BBIP1: variants seen among roughly 807,000 people sequenced by gnomAD.
BBIP1 encodes BBSome-interacting protein 1.
In BBIP1, 6 loss-of-function variants were observed where a neutral mutation model predicts 8.9. The observed-to-expected ratio is 0.67, with a 90% CI of 0.37 to 1.33. The LOEUF is 1.33. BBIP1 is among the 40% of genes most tolerant of loss of function. BBIP1 has a pLI of 0.02. For synonymous variants in BBIP1, 32 were observed against 33.4 expected, an observed-to-expected ratio of 0.96 and a Z score of 0.14; for missense variants, 111 against 109.2, an observed-to-expected ratio of 1.02 and a Z score of -0.07.
At chr10:110,912,153 C>CTTTTTT (rs1333724750) in intron 2 of BBIP1, 8 of 138,960 alleles carry the variant, frequency 5.8e-5, no homozygotes, top group African/African-American at 1.9e-4. Context: ...CTTTTCTTTT[C>CTTTTTT]TTTTCTTTTT....
In BBIP1 at chr10:110,900,229, T is replaced by C; in HGVS notation, c.*131A>G. 1.1e-6 allele frequency: 1 copy of C among 886,334 alleles called. No individual in the cohort carries two copies. The highest frequency in any genetic ancestry group is 1.6e-6 in the Non-Finnish European group (1 of 621,212). 54.9% of individuals were successfully genotyped at this position (886,334 alleles called of 1,614,324 possible). ...ATACAAATTTCATCAATCTTGGATA[T>C]TTTTGTATTTCTATGAATACTATCA... On this transcript the variant is annotated 3_prime_UTR_variant, in exon 4 of 4. Coordinates refer to ENST00000448814, the MANE Select transcript of BBIP1 (RefSeq NM_001195305.3).
chr10:110,917,194 A>ATTTTTTTT (rs67066048), intron 2 of BBIP1, among the ~76,000 whole-genome samples: 1 of 107,970 alleles, frequency 9.3e-6, no homozygotes, highest in Non-Finnish European at 1.8e-5. Context: ...CTGGATCCTG[A>ATTTTTTTT]TTTTTTTTTT....
intron 2 of BBIP1, chr10:110,911,084 G>A (rs1010215948): frequency 3.3e-5 from 5 of 152,162 alleles, no homozygotes; most frequent in Non-Finnish European, 7.3e-5. Context: ...GATGGCTGGT[G>A]CATTAAAGAT....
chr10:110,909,162 T>C (rs1222900521), intron 2 of BBIP1, among the ~76,000 whole-genome samples: 2 of 152,096 alleles, frequency 1.3e-5, no homozygotes, highest in African/African-American at 4.8e-5. Context: ...CTTCAAACTG[T>C]AAAGACTAAG....
chr10:110,903,902 CACA>C (rs1235538200), intron 2 of BBIP1: 1 of 152,168 alleles, frequency 6.6e-6, no homozygotes, highest in African/African-American at 2.4e-5. Flanking sequence ...AGTGTTCTGC[CACA>C]ATATCATGAG....
intron 2 of BBIP1, among the ~76,000 whole-genome samples, chr10:110,909,749 A>C (rs1335810989): frequency 6.6e-6 from 1 of 152,230 alleles, no homozygotes; most frequent in East Asian, 1.9e-4. Context: ...TAAGCACTGG[A>C]CAGTAAAGAC....
intron 2 of BBIP1, among the ~76,000 whole-genome samples, chr10:110,913,143 T>C (rs560914057): frequency 6.6e-6 from 1 of 152,350 alleles, no homozygotes; most frequent in African/African-American, 2.4e-5. Flanking sequence ...ATGGGGTACA[T>C]GGTTGTACTC....
chr10:110,900,716 G>A (rs1564689474), intron 3 of BBIP1, 190 bp from the exon 4 acceptor site: 2 of 517,080 alleles, frequency 3.9e-6, no homozygotes, highest in South Asian at 6.1e-5. Context: ...TACTAGTAGG[G>A]TGCTTCTGAG....
intron 2 of BBIP1, among the ~76,000 whole-genome samples, chr10:110,905,772 A>T (rs559684033): frequency 1.3e-5 from 2 of 152,300 alleles, no homozygotes; most frequent in East Asian, 3.9e-4. Flanking sequence ...TAAATTTCTT[A>T]TCATAAATTT....
chr10:110,899,073 G>C lies in BBIP1; in HGVS notation c.*1287C>G, dbSNP rs1244565042. 6.6e-6 allele frequency: 1 copy of C among 152,158 alleles called. No individual in the cohort carries two copies. The highest frequency in any genetic ancestry group is 1.5e-5 in the Non-Finnish European group (1 of 67,986). The allele number at this position is 152,158 out of a possible 1,614,324, so 9.4% of individuals were successfully genotyped here. A position where few individuals can be genotyped will look rare whatever the true frequency, so the allele number is the denominator to read the frequency against. ...ATGTTACAAAAAGTTATACTCCAGA[G>C]ACCCAAAGCTTGACATTTACCTAAT... On this transcript the variant is annotated 3_prime_UTR_variant, in exon 4 of 4. Coordinates refer to ENST00000448814, the MANE Select transcript of BBIP1 (RefSeq NM_001195305.3).
intron 2 of BBIP1, among the ~76,000 whole-genome samples, chr10:110,917,559 A>G (rs1309539238): frequency 6.6e-6 from 1 of 152,180 alleles, no homozygotes; most frequent in East Asian, 1.9e-4. Context: ...ACACTGGGGA[A>G]AAAAATCATG....
chr10:110,900,234 G>A lies in BBIP1; in HGVS notation c.*126C>T. The A allele has an allele frequency of 1.1e-6, 1 of 909,104 alleles. No homozygotes were observed. The highest frequency in any genetic ancestry group is 1.6e-6 in the Non-Finnish European group (1 of 642,808). 56.3% of individuals were successfully genotyped at this position (909,104 alleles called of 1,614,324 possible). ...AATTTCATCAATCTTGGATATTTTT[G>A]TATTTCTATGAATACTATCAATTTT... On this transcript the variant is annotated 3_prime_UTR_variant, in exon 4 of 4. Coordinates refer to ENST00000448814, the MANE Select transcript of BBIP1 (RefSeq NM_001195305.3).
intron 2 of BBIP1, among the ~76,000 whole-genome samples, chr10:110,913,798 A>AT (rs2134043816): frequency 6.6e-6 from 1 of 152,354 alleles, no homozygotes; most frequent in African/African-American, 2.4e-5. Context: ...AGCACCACTT[A>AT]TGTTTTCATG....
At chr10:110,901,647 T>C in intron 2 of BBIP1, 35 bp from the exon 3 acceptor site, 1 of 1,446,698 alleles carries the variant, frequency 6.9e-7, no homozygotes, top group Non-Finnish European at 9.4e-7. Context: ...CAAGAATACA[T>C]TCCCAAAGCA....
intron 2 of BBIP1, among the ~76,000 whole-genome samples, chr10:110,915,535 A>G (rs1200792079): frequency 6.6e-6 from 1 of 152,162 alleles, no homozygotes; most frequent in East Asian, 1.9e-4. Context: ...TAAATAATCA[A>G]TGTCAATATG....
At chr10:110,915,392 G>C (rs1469401046) in intron 2 of BBIP1, among the ~76,000 whole-genome samples, 1 of 152,020 alleles carries the variant, frequency 6.6e-6, no homozygotes, top group African/African-American at 2.4e-5. Context: ...GGGCTCAAGT[G>C]ATCTGCCCAC....
intron 2 of BBIP1, among the ~76,000 whole-genome samples, chr10:110,905,683 T>C (rs779287367): frequency 2.6e-5 from 4 of 152,174 alleles, no homozygotes; most frequent in Non-Finnish European, 5.9e-5. Context: ...GAATGTATTA[T>C]TAGTGGTCCT....
At position 110,918,184 on chromosome 10, in the gene BBIP1, A is replaced by AC. The variant is rs1016643704; in HGVS notation, c.-28_-27insG. 2.6e-6 allele frequency: 4 copies of AC among 1,531,804 alleles called. No individual in the cohort carries two copies. 94.9% of individuals were successfully genotyped at this position (1,531,804 alleles called of 1,614,324 possible). Reference sequence around the variant, plus strand: ...CAACCCGGTATTACCAAGATGACTTAGAGTTCTTGACTCAAGCATACAGAA... The same window carrying AC: ...CAACCCGGTATTACCAAGATGACTTACGAGTTCTTGACTCAAGCATACAGAA... On this transcript the variant is annotated 5_prime_UTR_variant, in exon 2 of 4. It introduces an in-frame stop codon into an upstream open reading frame of the 5' UTR. Coordinates refer to ENST00000448814, the MANE Select transcript of BBIP1 (RefSeq NM_001195305.3).
intron 2 of BBIP1, among the ~76,000 whole-genome samples, chr10:110,914,913 T>C (rs935354420): frequency 9.2e-5 from 14 of 152,196 alleles, no homozygotes; most frequent in African/African-American, 3.4e-4. Flanking sequence ...AATTCAGTAG[T>C]AGACAGTGGT....
Sources: gnomAD v4.1 joint callset for allele counts (sites outside exome capture counted in the v4.1 genomes callset) on GRCh38, gnomAD v4.1.1 for gene constraint, MANE v1.5 for transcripts, NCBI Gene and HGNC (gene_info 2026-07-23, HGNC 2026-07-21) for gene names.